The following ATP11A variants were observed in gnomAD, a reference collection of about 807,000 sequenced individuals.
ATP11A encodes the protein ATPase phospholipid transporting 11A, also known as phospholipid-transporting ATPase IH.
Under a neutral mutation model 154.4 loss-of-function variants are expected in ATP11A, and 81 were observed. That is an observed-to-expected ratio of 0.52 (90% CI 0.44 to 0.63). The LOEUF (loss-of-function observed/expected upper bound fraction) is 0.63. Among genes scored for constraint, ATP11A ranks in the 30% least tolerant of loss-of-function variants. The probability of loss-of-function intolerance (pLI) is 0.00; values close to 1 mark genes in which losing one functional copy is unlikely to be tolerated. For missense variants in ATP11A, 1,316 were observed against 1,474.3 expected, an observed-to-expected ratio of 0.89 and a Z score of 1.76; for synonymous variants, 623 against 585.9, an observed-to-expected ratio of 1.06 and a Z score of -0.91.
At position 112,882,502 on chromosome 13, in the gene ATP11A, C is replaced by T. The variant is rs1189510005; in HGVS notation, c.*636C>T. 8.6e-6 allele frequency: 4 copies of T among 462,860 alleles called. No individual in the cohort carries two copies. Among genetic ancestry groups the T allele is most frequent in the South Asian group, 5.7e-5 (1 of 17,568 alleles). The allele number at this position is 462,860 out of a possible 1,614,324, so 28.7% of individuals were successfully genotyped here. On this transcript the variant is annotated 3_prime_UTR_variant, in exon 30 of 30. Coordinates refer to ENST00000375645, the MANE Select transcript of ATP11A (RefSeq NM_015205.3). This position sits in a 1 kb window ranked among gnomAD's most constrained non-coding sequence, Gnocchi z 5.1. ...CCAATCCGGATGCTGTGGGAAGGGC[C>T]GGGTCACTCGGATACCATCATCCCT...
intron 1 of ATP11A, among the ~76,000 whole-genome samples, chr13:112,698,716 ATCTT>A (rs1233662147): frequency 1.4e-5 from 2 of 142,376 alleles, no homozygotes; most frequent in Non-Finnish European, 3.1e-5. Context: ...TTATTTATTT[ATCTT>A]TATTTATTTA....
intron 1 of ATP11A, among the ~76,000 whole-genome samples, chr13:112,740,413 A>G (rs1447734464): frequency 1.3e-5 from 2 of 152,064 alleles, no homozygotes; most frequent in African/African-American, 4.8e-5. Context: ...ACCTCAGGTG[A>G]TCCACCCACC....
chr13:112,704,285 G>A (rs1215718972), intron 1 of ATP11A, among the ~76,000 whole-genome samples: 1 of 152,244 alleles, frequency 6.6e-6, no homozygotes, highest in Non-Finnish European at 1.5e-5. Flanking sequence ...GCACAACTCA[G>A]AGGTGATTGT....
At chr13:112,832,152 A>G (rs1324405250) in intron 13 of ATP11A, among the ~76,000 whole-genome samples, 1 of 152,074 alleles carries the variant, frequency 6.6e-6, no homozygotes, top group Non-Finnish European at 1.5e-5. Flanking sequence ...ACACACATGC[A>G]CTCTCACACA....
chr13:112,863,390 G>A (rs1284941939), intron 25 of ATP11A, among the ~76,000 whole-genome samples: 6 of 140,914 alleles, frequency 4.3e-5, no homozygotes, highest in Non-Finnish European at 6.2e-5. Flanking sequence ...GCTTCCCAGC[G>A]GGGTCCATCA....
intron 17 of ATP11A, among the ~76,000 whole-genome samples, chr13:112,843,004 G>A (rs892791831): frequency 2.0e-5 from 3 of 152,262 alleles, no homozygotes; most frequent in African/African-American, 7.2e-5. Flanking sequence ...CTAAAGCCGG[G>A]CAACACGTGG....
chr13:112,882,115 C>A lies in ATP11A; in HGVS notation c.*249C>A. 1 of 1,341,014 alleles carries A rather than the reference C, an allele frequency of 7.5e-7. No individual in the cohort carries two copies. 83.1% of individuals were successfully genotyped at this position (1,341,014 alleles called of 1,614,324 possible). A position where few individuals can be genotyped will look rare whatever the true frequency, so the allele number is the denominator to read the frequency against. On this transcript the variant is annotated 3_prime_UTR_variant, in exon 30 of 30. Transcript: ENST00000375645. The surrounding 1 kb of genome is among the most constrained non-coding windows in gnomAD (Gnocchi z 5.1). ...TGTGCACGTGCCTCTTCCTGGCCCCCAGCAGGCAAGGAGGGGGGTCACAGG... is the reference window on the plus strand; with the variant it reads ...TGTGCACGTGCCTCTTCCTGGCCCCAAGCAGGCAAGGAGGGGGGTCACAGG...
At chr13:112,805,365 T>C (rs2078291731) in intron 3 of ATP11A, among the ~76,000 whole-genome samples, 1 of 152,200 alleles carries the variant, frequency 6.6e-6, no homozygotes, top group African/African-American at 2.4e-5. Flanking sequence ...TCGTTACACT[T>C]AATTTACTCT....
chr13:112,805,125 C>A, intron 3 of ATP11A, 79 bp downstream of exon 3: 2 of 1,054,256 alleles, frequency 1.9e-6, no homozygotes, highest in Non-Finnish European at 2.8e-6. Flanking sequence ...AACTGCCACA[C>A]GGCTAATGAA....
At chr13:112,818,254 G>C (rs1187700076) in intron 6 of ATP11A, among the ~76,000 whole-genome samples, 6 of 151,228 alleles carry the variant, frequency 4.0e-5, no homozygotes, top group African/African-American at 1.5e-4. Context: ...TGGTGCGCTT[G>C]GTGACGGGGC....
At chr13:112,738,114 A>G (rs984493321) in intron 1 of ATP11A, among the ~76,000 whole-genome samples, 3 of 152,142 alleles carry the variant, frequency 2.0e-5, no homozygotes, top group Non-Finnish European at 2.9e-5. Flanking sequence ...GCTTATGCCT[A>G]TAATCCTAGC....
chr13:112,770,649 A>G (rs1022388814), intron 1 of ATP11A, among the ~76,000 whole-genome samples: 8 of 152,280 alleles, frequency 5.3e-5, no homozygotes, highest in African/African-American at 1.9e-4. Flanking sequence ...CCACCTGCGG[A>G]GGGCCTGTTT....
chr13:112,726,071 G>A (rs1054595401), intron 1 of ATP11A, among the ~76,000 whole-genome samples: 3 of 152,278 alleles, frequency 2.0e-5, no homozygotes, highest in Non-Finnish European at 2.9e-5. Flanking sequence ...AGTCACAATC[G>A]GTCCTTGAAA....
chr13:112,866,425 T>A (rs2080335256), intron 25 of ATP11A, among the ~76,000 whole-genome samples: 1 of 151,874 alleles, frequency 6.6e-6, no homozygotes, highest in Non-Finnish European at 1.5e-5. Flanking sequence ...TTTTCCGAAT[T>A]GACTGGATTC....
chr13:112,707,218 C>G (rs1019721123), intron 1 of ATP11A, among the ~76,000 whole-genome samples: 3 of 152,070 alleles, frequency 2.0e-5, no homozygotes, highest in African/African-American at 7.2e-5. Context: ...GCGTTTGAGA[C>G]CAGCCTGGCC....
At chr13:112,779,976 G>A (rs1235543186) in intron 1 of ATP11A, among the ~76,000 whole-genome samples, 1 of 151,928 alleles carries the variant, frequency 6.6e-6, no homozygotes, top group African/African-American at 2.4e-5. Flanking sequence ...AGTCATTAAA[G>A]CATTAAACCA....
At chr13:112,843,273 G>A (rs2079479406) in intron 17 of ATP11A, among the ~76,000 whole-genome samples, 3 of 151,386 alleles carry the variant, frequency 2.0e-5, no homozygotes, top group Non-Finnish European at 2.9e-5. Flanking sequence ...AAAGCTGGGT[G>A]ACGCATGGCC....
At chr13:112,831,790 CCA>C (rs758997190) in intron 13 of ATP11A, among the ~76,000 whole-genome samples, 193 of 152,302 alleles carry the variant, frequency 1.3e-3, no homozygotes, top group Non-Finnish European at 4.4e-4. Context: ...ATGCATGCAC[CCA>C]GACACCATGT....
At chr13:112,698,574 G>T (rs1886151414) in intron 1 of ATP11A, among the ~76,000 whole-genome samples, 1 of 152,184 alleles carries the variant, frequency 6.6e-6, no homozygotes, top group East Asian at 1.9e-4. Context: ...ATGCAGGGAT[G>T]CTGGGACATC....
Sources: gnomAD v4.1 joint callset for allele counts (sites outside exome capture counted in the v4.1 genomes callset) on GRCh38, gnomAD v4.1.1 for gene constraint, Gnocchi (gnomAD v3.1) non-coding constraint, MANE v1.5 for transcripts, NCBI Gene and HGNC (gene_info 2026-07-23, HGNC 2026-07-21) for gene names.